GALNT13: variants seen among roughly 807,000 people sequenced by gnomAD.
GALNT13 encodes the protein polypeptide N-acetylgalactosaminyltransferase 13.
A neutral mutation model predicts 64.2 loss-of-function variants in GALNT13; 28 were observed. The ratio of observed to expected loss-of-function variants is 0.44; its 90% confidence interval spans 0.32 to 0.60. The LOEUF is 0.60. GALNT13 is among the 20% of genes least tolerant of loss of function. The pLI, the probability that GALNT13 is intolerant of heterozygous loss-of-function variation, is 0.05. For synonymous variants in GALNT13, 214 were observed against 224.6 expected, an observed-to-expected ratio of 0.95 and a Z score of 0.42; for missense variants, 577 against 669.8, an observed-to-expected ratio of 0.86 and a Z score of 1.53.
chr2:153,827,347 G>A, the GALNT13 span, among the ~76,000 whole-genome samples: 1 of 152,156 alleles, frequency 6.6e-6, no homozygotes, highest in Non-Finnish European at 1.5e-5. Flanking sequence ...GTGGAGGCTG[G>A]GCACAGTGGC....
At chr2:153,508,687 T>C in the GALNT13 span, among the ~76,000 whole-genome samples, 2 of 152,186 alleles carry the variant, frequency 1.3e-5, no homozygotes, top group Admixed American at 6.5e-5. Context: ...TTTTAGCATC[T>C]CAGGGAGCCT....
chr2:154,231,494 G>T (rs1046302468), intron 4 of GALNT13, among the ~76,000 whole-genome samples: 1 of 151,648 alleles, frequency 6.6e-6, no homozygotes, highest in Non-Finnish European at 1.5e-5. Flanking sequence ...CTCTGGTGAG[G>T]CACTTAATTT....
At chr2:154,455,755 A>G (rs1702024681), downstream of GALNT13, among the ~76,000 whole-genome samples, 1 of 152,232 alleles carries the variant, frequency 6.6e-6, no homozygotes, top group Admixed American at 6.5e-5. Context: ...ATATTGGTCA[A>G]TAAATTCTAA....
the GALNT13 span, among the ~76,000 whole-genome samples, chr2:153,244,739 G>A: frequency 6.6e-6 from 1 of 152,176 alleles, no homozygotes; most frequent in East Asian, 1.9e-4. Flanking sequence ...AAACCCAGGT[G>A]CCTGGTGGTG....
the GALNT13 span, among the ~76,000 whole-genome samples, chr2:153,496,905 A>G: frequency 6.6e-6 from 1 of 151,692 alleles, no homozygotes; most frequent in Non-Finnish European, 1.5e-5. Context: ...GAGGCAGGAG[A>G]ATCGCTTGAA....
At chr2:153,652,114 A>G in the GALNT13 span, among the ~76,000 whole-genome samples, 9 of 152,312 alleles carry the variant, frequency 5.9e-5, no homozygotes, top group East Asian at 9.6e-4. Flanking sequence ...TAAGCTACAT[A>G]TAAATAAAAT....
chr2:153,602,787 T>G, the GALNT13 span, among the ~76,000 whole-genome samples: 1 of 151,790 alleles, frequency 6.6e-6, no homozygotes, highest in Admixed American at 6.6e-5. Flanking sequence ...TTTAATACAT[T>G]GCTCTGGCAC....
In GALNT13 at chr2:154,096,322, T is replaced by C. The variant is rs901020628; in HGVS notation, c.143-44015T>C. Among the ~76,000 whole-genome samples, 8 of 152,066 alleles carry C rather than the reference T, an allele frequency of 5.3e-5. No individual in the cohort carries two copies. The East Asian group carries it at 1.4e-3, about 26-fold the overall frequency. ...GGACATACCCAGCTGGCATAATTGG[T>C]AGTGTGGAGAAGGGAGACAAATAGT... is the stretch of plus-strand genomic sequence containing the variant. On this transcript the variant is annotated intron_variant, in intron 3 of 12. Transcript: ENST00000392825.
At chr2:154,253,216 C>G (rs1043752784) in intron 7 of GALNT13, among the ~76,000 whole-genome samples, 33 of 152,100 alleles carry the variant, frequency 2.2e-4, no homozygotes, top group African/African-American at 5.6e-4. Flanking sequence ...TCCAATCTAG[C>G]TATGAAGTCC....
intron 9 of GALNT13, among the ~76,000 whole-genome samples, chr2:154,313,850 A>G (rs1694188390): frequency 6.6e-6 from 1 of 151,186 alleles, no homozygotes; most frequent in Non-Finnish European, 1.5e-5. Flanking sequence ...CAAAGAAAAC[A>G]TGGATACCTC....
intron 6 of GALNT13, among the ~76,000 whole-genome samples, 159 bp downstream of exon 6, chr2:154,243,064 C>T (rs1380746873): frequency 1.3e-5 from 2 of 152,136 alleles, no homozygotes; most frequent in Non-Finnish European, 2.9e-5. Flanking sequence ...ATAAATAAGA[C>T]TGCTGTATTC....
At chr2:154,437,668 A>G (rs1267689234) in intron 11 of GALNT13, 1 of 476,474 alleles carries the variant, frequency 2.1e-6, no homozygotes, top group East Asian at 7.1e-5. Flanking sequence ...CATCCTGGCC[A>G]ACATAGTGAA....
chr2:153,355,104 C>T, the GALNT13 span, among the ~76,000 whole-genome samples: 10 of 152,076 alleles, frequency 6.6e-5, no homozygotes, highest in African/African-American at 1.4e-4. Context: ...CAAAATATCA[C>T]GTTATTCAAT....
chr2:153,663,728 C>T, the GALNT13 span, among the ~76,000 whole-genome samples: 2 of 152,178 alleles, frequency 1.3e-5, no homozygotes, highest in Non-Finnish European at 2.9e-5. Context: ...TACATAGTGC[C>T]TTGCTAATTA....
chr2:153,962,552 C>T, intron 3 of GALNT13, among the ~76,000 whole-genome samples: 1 of 152,090 alleles, frequency 6.6e-6, no homozygotes, highest in East Asian at 1.9e-4. Context: ...GAAAGGAAAA[C>T]AACTGAGAGT....
At chr2:153,756,824 C>G in the GALNT13 span, among the ~76,000 whole-genome samples, 2,623 of 152,104 alleles carry the variant, frequency 0.017, 85 homozygotes, top group African/African-American at 0.06. Context: ...AAAATGTAAA[C>G]TATCTGCTCC....
chr2:154,416,785 C>T (rs1284208235), intron 11 of GALNT13, among the ~76,000 whole-genome samples: 4 of 152,154 alleles, frequency 2.6e-5, no homozygotes. Flanking sequence ...GATACTTTTA[C>T]ATGTCAGTGA....
At chr2:153,580,310 T>C in the GALNT13 span, among the ~76,000 whole-genome samples, 431 of 152,026 alleles carry the variant, frequency 2.8e-3, 9 homozygotes, top group Admixed American at 0.023. Flanking sequence ...ATACCCAACT[T>C]GAGCAAACAT....
chr2:153,313,213 A>T, the GALNT13 span, among the ~76,000 whole-genome samples: 2 of 152,230 alleles, frequency 1.3e-5, no homozygotes, highest in Non-Finnish European at 2.9e-5. Context: ...AATATAAATC[A>T]TTCTATCATA....
Sources: gnomAD v4.1 joint callset for allele counts (sites outside exome capture counted in the v4.1 genomes callset) on GRCh38, gnomAD v4.1.1 for gene constraint, MANE v1.5 for transcripts, NCBI Gene and HGNC (gene_info 2026-07-23, HGNC 2026-07-21) for gene names.